The following MYO3B variants were observed in gnomAD, a reference collection of about 807,000 sequenced individuals.
MYO3B encodes the protein myosin-IIIb.
A neutral mutation model predicts 174.6 loss-of-function variants in MYO3B; 156 were observed. The ratio of observed to expected loss-of-function variants is 0.89; its 90% CI spans 0.78 to 1.02. The LOEUF is 1.02. Ranked by LOEUF, MYO3B falls within the 50% of genes least tolerant of loss-of-function variation. The probability of loss-of-function intolerance (pLI) is 0.00; values close to 1 mark genes in which losing one functional copy is unlikely to be tolerated. For missense variants in MYO3B, 1,632 were observed against 1,639.4 expected, an observed-to-expected ratio of 1.00 and a Z score of 0.08; for synonymous variants, 563 against 569.1, an observed-to-expected ratio of 0.99 and a Z score of 0.15.
At chr2:170,462,228 G>A (rs370312432) in intron 23 of MYO3B, among the ~76,000 whole-genome samples, 64 of 152,288 alleles carry the variant, frequency 4.2e-4, no homozygotes, top group African/African-American at 1.5e-3. Context: ...TGATGGCATC[G>A]GCCGTGCAGC....
At chr2:170,369,457 A>T in intron 9 of MYO3B, 80 bp downstream of exon 9, 1 of 1,444,316 alleles carries the variant, frequency 6.9e-7, no homozygotes, top group Middle Eastern at 1.8e-4. Context: ...GCCCAGCATT[A>T]TTACTGGTAG....
chr2:170,487,190 A>G (rs1686122616), intron 25 of MYO3B, among the ~76,000 whole-genome samples: 1 of 152,170 alleles, frequency 6.6e-6, no homozygotes, highest in Non-Finnish European at 1.5e-5. Flanking sequence ...CCTCTTCATC[A>G]GTTTCTCATA....
At chr2:170,283,231 C>T (rs2093527458) in intron 7 of MYO3B, among the ~76,000 whole-genome samples, 1 of 152,130 alleles carries the variant, frequency 6.6e-6, no homozygotes, top group Admixed American at 6.6e-5. Flanking sequence ...AGTCAAGGGA[C>T]TCTCCTGTGG....
chr2:170,302,050 G>T (rs955904877), intron 7 of MYO3B, among the ~76,000 whole-genome samples: 2 of 151,932 alleles, frequency 1.3e-5, no homozygotes, highest in Non-Finnish European at 2.9e-5. Flanking sequence ...CTGAAATGTG[G>T]GAGCAGGCAT....
At position 170,341,520 on chromosome 2, in the gene MYO3B, ACT is replaced by A. The variant is rs766046933; in HGVS notation, c.815+6076_815+6077del. ...TGAGCAGTGGTATCTCTAGTGACAG[ACT>A]CTCTCCATTTTAGATTTATTTAGGC... On this transcript the variant is annotated intron_variant, in intron 8 of 34. Transcript: ENST00000408978. The A allele has an allele frequency of 5.9e-5, 9 of 151,958 alleles. No individual in the cohort carries two copies. In the East Asian group the frequency reaches 1.5e-3, roughly 26 times the overall value. The allele number at this position is 151,958 out of a possible 1,614,324, so 9.4% of individuals were successfully genotyped here. A position where few individuals can be genotyped will look rare whatever the true frequency, so the allele number is the denominator to read the frequency against.
chr2:170,590,009 G>A (rs1324462877), intron 32 of MYO3B, among the ~76,000 whole-genome samples: 1 of 152,150 alleles, frequency 6.6e-6, no homozygotes, highest in African/African-American at 2.4e-5. Flanking sequence ...CAGGTTTGTA[G>A]CCTAGGAGCA....
intron 8 of MYO3B, among the ~76,000 whole-genome samples, chr2:170,362,094 T>C (rs77000582): frequency 0.075 from 11,378 of 152,266 alleles, 523 homozygotes; most frequent in Middle Eastern, 0.12. Context: ...GCCTTGTTTT[T>C]GCATAGGGAC....
At chr2:170,255,796 C>T (rs1052124505) in intron 7 of MYO3B, among the ~76,000 whole-genome samples, 4 of 152,184 alleles carry the variant, frequency 2.6e-5, no homozygotes, top group African/African-American at 7.2e-5. Flanking sequence ...AATAGATCCT[C>T]ACCAAATTGA....
chr2:170,582,123 T>C (rs1693189791), intron 32 of MYO3B, among the ~76,000 whole-genome samples: 1 of 152,208 alleles, frequency 6.6e-6, no homozygotes, highest in Non-Finnish European at 1.5e-5. Context: ...GATTCTTTCA[T>C]GCAACATAAC....
chr2:170,185,569 A>G (rs2092451839), intron 1 of MYO3B, among the ~76,000 whole-genome samples: 1 of 152,168 alleles, frequency 6.6e-6, no homozygotes, highest in African/African-American at 2.4e-5. Flanking sequence ...ATTTGAAGTT[A>G]GGTAAAGTGA....
intron 30 of MYO3B, chr2:170,524,484 G>A (rs1045660679): frequency 2.2e-6 from 1 of 447,852 alleles, no homozygotes. Context: ...GTGCTAAGTG[G>A]TTTTGTTTTT....
chr2:170,634,263 A>T (rs976451713), intron 32 of MYO3B, among the ~76,000 whole-genome samples: 1 of 152,202 alleles, frequency 6.6e-6, no homozygotes, highest in Non-Finnish European at 1.5e-5. Flanking sequence ...CTGGTACCAA[A>T]ACAGAGATAT....
At position 170,410,379 on chromosome 2, in the gene MYO3B, A is replaced by T. The variant is rs2094537582; in HGVS notation, c.2650+2535A>T. On this transcript the variant is annotated intron_variant, in intron 22 of 34. Transcript: ENST00000408978. ...GGTGGATCACGAGGTCAGGAGTTCGAGACCAGCCTGGCCAACATAGTGAAA... is the reference window on the plus strand; with the variant it reads ...GGTGGATCACGAGGTCAGGAGTTCGTGACCAGCCTGGCCAACATAGTGAAA... Among the ~76,000 whole-genome samples, 6 of 152,064 alleles carry T rather than the reference A, an allele frequency of 3.9e-5. No homozygotes were observed. The South Asian group carries it at 1.2e-3, about 32-fold the overall frequency.
chr2:170,380,456 A>T (rs1416860309), intron 9 of MYO3B, among the ~76,000 whole-genome samples: 2 of 152,174 alleles, frequency 1.3e-5, no homozygotes, highest in Non-Finnish European at 2.9e-5. Context: ...GAAAACCGAT[A>T]TACTGGCTGT....
At chr2:170,457,305 T>A (rs1001381677) in intron 23 of MYO3B, among the ~76,000 whole-genome samples, 2 of 152,208 alleles carry the variant, frequency 1.3e-5, no homozygotes, top group Non-Finnish European at 2.9e-5. Context: ...AACTTTTTTT[T>A]ATGAACTTAA....
intron 11 of MYO3B, 85 bp from the exon 12 acceptor site, chr2:170,383,625 T>G: frequency 9.9e-7 from 1 of 1,005,226 alleles, no homozygotes; most frequent in Non-Finnish European, 1.6e-6. Flanking sequence ...CCCTAATAAG[T>G]GACAGATTCT....
intron 27 of MYO3B, among the ~76,000 whole-genome samples, chr2:170,500,559 C>T (rs1257256422): frequency 6.6e-6 from 1 of 152,184 alleles, no homozygotes; most frequent in East Asian, 1.9e-4. Flanking sequence ...GTCAAAGCAG[C>T]ATATTTTGGA....
chr2:170,483,611 C>T (rs1685843836), intron 25 of MYO3B, among the ~76,000 whole-genome samples: 1 of 151,570 alleles, frequency 6.6e-6, no homozygotes, highest in African/African-American at 2.4e-5. Flanking sequence ...TGGTCTCGAT[C>T]TCCTGACCTC....
At chr2:170,221,899 A>T (rs191933868) in intron 6 of MYO3B, among the ~76,000 whole-genome samples, 138 of 152,298 alleles carry the variant, frequency 9.1e-4, no homozygotes, top group East Asian at 5.8e-3. Context: ...TAAACTAAAC[A>T]CACTGTATGT....
Sources: gnomAD v4.1 joint callset for allele counts (sites outside exome capture counted in the v4.1 genomes callset) on GRCh38, gnomAD v4.1.1 for gene constraint, MANE v1.5 for transcripts, NCBI Gene and HGNC (gene_info 2026-07-23, HGNC 2026-07-21) for gene names.